The following ZNF804B variants were observed in gnomAD, a reference collection of about 807,000 sequenced individuals.
ZNF804B encodes the protein zinc finger 804B.
ZNF804B carries 80 observed loss-of-function variants against 101.4 expected under a neutral mutation model. That is an observed-to-expected ratio of 0.79 (90% confidence interval 0.66 to 0.95). The LOEUF is 0.95. ZNF804B is among the 40% of genes least tolerant of loss of function. The pLI, the probability that ZNF804B is intolerant of heterozygous loss-of-function variation, is 0.00. For missense variants in ZNF804B, 1,673 were observed against 1,561.9 expected, an observed-to-expected ratio of 1.07 and a Z score of -1.20; for synonymous variants, 622 against 558.8, an observed-to-expected ratio of 1.11 and a Z score of -1.59.
intron 1 of ZNF804B, among the ~76,000 whole-genome samples, chr7:88,970,317 C>T (rs1793513348): frequency 6.7e-6 from 1 of 149,858 alleles, no homozygotes; most frequent in Non-Finnish European, 1.5e-5. Context: ...TATTAAAGCC[C>T]CACATGCATT....
intron 1 of ZNF804B, among the ~76,000 whole-genome samples, chr7:88,966,022 A>G (rs1056593891): frequency 6.6e-6 from 1 of 151,454 alleles, no homozygotes. Context: ...TTAAGTGGGA[A>G]TTGTCAAATT....
In ZNF804B at chr7:89,335,574, C is replaced by G. The variant is rs140102475; in HGVS notation, c.2592C>G (p.Tyr864Ter). 2.5e-6 allele frequency: 4 copies of G among 1,613,750 alleles called. No homozygotes were observed. Among genetic ancestry groups the G allele is most frequent in the Non-Finnish European group, 3.4e-6 (4 of 1,179,894 alleles). ...CTTACTCAATAGAGAAAATGTATTA[C>G]TTGAATAAAAGCAAGAGAAATCAAG... The part of the protein sequence containing the change: ...LDSYSIEKMY[Y>*]LNKSKRNQES... Residue 864 changes from tyrosine to a stop codon, truncating the protein, a stop_gained, in exon 4 of 4, where the codon TAC becomes TAG. Transcript: ENST00000333190. LOFTEE classifies it high-confidence loss of function.
intron 2 of ZNF804B, among the ~76,000 whole-genome samples, chr7:89,289,121 C>T (rs113609582): frequency 0.019 from 2,910 of 150,718 alleles, 78 homozygotes; most frequent in African/African-American, 0.067. Flanking sequence ...TAAAATGTAA[C>T]GATAAAATGA....
rs1790797601 is a variant in ZNF804B, at chr7:89,320,191, A to ATATTCATTTATATATATAAG, written c.250-7150_250-7149insTCATTTATATATATAAGTAT. ...CTGCACATGTACCCCAGAACTTAAA[A>ATATTCATTTATATATATAAG]TATAAATAAATGAATAAATAAAAAC... On this transcript the variant is annotated intron_variant, in intron 2 of 3. Coordinates refer to ENST00000333190, the MANE Select transcript of ZNF804B (RefSeq NM_181646.5). 4.6e-5 allele frequency among the ~76,000 whole-genome samples: 7 copies of ATATTCATTTATATATATAAG among 151,994 alleles called. No homozygotes were observed. In the South Asian group the frequency reaches 1.4e-3, roughly 31 times the overall value.
chr7:89,181,648 A>G (rs557007123), intron 1 of ZNF804B, among the ~76,000 whole-genome samples: 1 of 152,278 alleles, frequency 6.6e-6, no homozygotes, highest in East Asian at 1.9e-4. Context: ...AAAACCAGGT[A>G]CTGTGATTGC....
chr7:88,777,846 TAAA>T (rs3084379), intron 1 of ZNF804B, among the ~76,000 whole-genome samples: 1 of 107,570 alleles, frequency 9.3e-6, no homozygotes, highest in Non-Finnish European at 1.9e-5. Context: ...AGACTCCATC[TAAA>T]AAAAAAAAAA....
At chr7:89,108,866 A>G (rs1211760297) in intron 1 of ZNF804B, among the ~76,000 whole-genome samples, 2 of 152,176 alleles carry the variant, frequency 1.3e-5, no homozygotes, top group African/African-American at 4.8e-5. Context: ...CAGGCTAAAA[A>G]GGAGAAATAC....
chr7:88,933,766 C>A (rs1445207766), intron 1 of ZNF804B, among the ~76,000 whole-genome samples: 1 of 151,890 alleles, frequency 6.6e-6, no homozygotes, highest in Non-Finnish European at 1.5e-5. Flanking sequence ...TCATAGATGA[C>A]ACAAACAAAC....
At chr7:89,173,166 A>C (rs1478608363) in intron 1 of ZNF804B, among the ~76,000 whole-genome samples, 1 of 152,056 alleles carries the variant, frequency 6.6e-6, no homozygotes, top group African/African-American at 2.4e-5. Context: ...TGACTATGTG[A>C]AACATGTGTC....
At chr7:88,854,426 T>C (rs147566664) in intron 1 of ZNF804B, among the ~76,000 whole-genome samples, 1,641 of 87,400 alleles carry the variant, frequency 0.019, 83 homozygotes, top group African/African-American at 0.058. Flanking sequence ...TTTCTTTCTT[T>C]CTTTCTTTCT....
chr7:88,941,269 C>T (rs1254910509), intron 1 of ZNF804B, among the ~76,000 whole-genome samples: 1 of 151,902 alleles, frequency 6.6e-6, no homozygotes, highest in Non-Finnish European at 1.5e-5. Flanking sequence ...TTGGTATTTA[C>T]CCAGAGGAGA....
intron 2 of ZNF804B, among the ~76,000 whole-genome samples, chr7:89,274,126 T>C (rs945251375): frequency 6.9e-6 from 1 of 145,718 alleles, no homozygotes; most frequent in Non-Finnish European, 1.5e-5. Context: ...TGCTTCATTC[T>C]TTTTTTTTTC....
chr7:88,967,387 G>T (rs1209301995), intron 1 of ZNF804B, among the ~76,000 whole-genome samples: 1 of 151,412 alleles, frequency 6.6e-6, no homozygotes, highest in African/African-American at 2.4e-5. Flanking sequence ...TTACGAGGGG[G>T]AAATCCACCC....
chr7:89,091,883 A>G (rs1425008140), intron 1 of ZNF804B, among the ~76,000 whole-genome samples: 3 of 152,164 alleles, frequency 2.0e-5, no homozygotes, highest in African/African-American at 7.2e-5. Context: ...TTGAGAAGGC[A>G]GTAGCCGTGT....
chr7:89,255,924 AT>A (rs1322625914), intron 2 of ZNF804B, among the ~76,000 whole-genome samples: 1 of 152,116 alleles, frequency 6.6e-6, no homozygotes, highest in Non-Finnish European at 1.5e-5. Context: ...ATTGCTCATA[AT>A]TTTTTTAATG....
At chr7:89,158,665 T>C (rs1562900647) in intron 1 of ZNF804B, among the ~76,000 whole-genome samples, 1 of 152,212 alleles carries the variant, frequency 6.6e-6, no homozygotes, top group Non-Finnish European at 1.5e-5. Context: ...CATTAAAGTA[T>C]GTAAGTTAGT....
chr7:89,165,048 C>T (rs1246290061), intron 1 of ZNF804B, among the ~76,000 whole-genome samples: 1 of 152,038 alleles, frequency 6.6e-6, no homozygotes, highest in Admixed American at 6.6e-5. Context: ...ATAACTTACC[C>T]ATTATCACAA....
At chr7:89,285,023 A>T (rs372790869) in intron 2 of ZNF804B, among the ~76,000 whole-genome samples, 81 of 151,848 alleles carry the variant, frequency 5.3e-4, no homozygotes, top group African/African-American at 1.9e-3. Flanking sequence ...ATGTAGTGAG[A>T]CCCTGTCTCC....
At chr7:89,318,291 A>G (rs1790762822) in intron 2 of ZNF804B, among the ~76,000 whole-genome samples, 2 of 152,232 alleles carry the variant, frequency 1.3e-5, no homozygotes, top group Admixed American at 6.5e-5. Flanking sequence ...GGAATTGTCT[A>G]GACTGTGGCA....
Sources: allele counts gnomAD v4.1 joint callset (sites outside exome capture counted in the v4.1 genomes callset), GRCh38; gene constraint gnomAD v4.1.1; transcripts MANE v1.5; gene names NCBI Gene and HGNC (gene_info 2026-07-23, HGNC 2026-07-21).